ZNF524: variants seen among roughly 807,000 people sequenced by gnomAD.
The protein encoded by ZNF524 is zinc finger protein 524.
For missense variants in ZNF524, 388 were observed against 380.1 expected (o/e 1.02, Z -0.17); for synonymous variants, 194 against 166.3 (o/e 1.17, Z -1.28).
upstream of ZNF524, chr19:55,599,938 C>G (rs1369311462): frequency 6.6e-6 from 1 of 152,248 alleles, no homozygotes; most frequent in Admixed American, 6.5e-5. Flanking sequence ...CCATCTTATC[C>G]ACTTAGCACT....
At chr19:55,601,178 CT>C (rs1327465254) in intron 1 of ZNF524, 1 of 152,250 alleles carries the variant, frequency 6.6e-6, no homozygotes, top group Non-Finnish European at 1.5e-5. Context: ...TCTCCATTCT[CT>C]GGGACATTCG....
rs1228319769 is a variant in ZNF524 at position 55,602,473 on chromosome 19, C to T, written c.361C>T (p.Arg121Trp). The change falls in exon 2 of 2, where the codon CGG (arginine) becomes TGG (tryptophan). Residue 121 changes from arginine (R) to tryptophan (W), a missense_variant. Transcript: ENST00000301073. ...KAPHFCPVCL[R>W]AFPYLSDLER... The stretch of plus-strand genomic sequence containing the variant: ...CCCACACTTCTGCCCGGTGTGCCTG[C>T]GGGCCTTCCCCTACCTCTCCGACCT... 2 of 1,597,862 alleles carry T rather than the reference C, an allele frequency of 1.3e-6. No individual in the cohort carries two copies. Among genetic ancestry groups the T allele is most frequent in the South Asian group, 1.1e-5 (1 of 89,980 alleles).
Position 55,602,188 on chromosome 19 carries a change from C to T in ZNF524, c.76C>T (p.Pro26Ser), listed in dbSNP as rs750130355. ...EEEKPLALSP[P>S]VPRGRRGRRP... ...AGAGAAACCTCTGGCCTTATCTCCT[C>T]CTGTTCCCCGGGGCCGCCGAGGCCG... The change falls in exon 2 of 2, where the codon CCT becomes TCT. Residue 26 changes from proline (P) to serine (S), a missense_variant. Pro to Ser is a moderately conservative substitution (Grantham distance 74). Coordinates refer to ENST00000301073, the MANE Select transcript of ZNF524 (RefSeq NM_153219.4). The T allele has an allele frequency of 1.9e-6, 3 of 1,610,538 alleles. No homozygotes were observed. The highest frequency in any genetic ancestry group is 1.7e-4 in the Middle Eastern group (1 of 6,008).
Position 55,602,892 on chromosome 19 carries a change from A to G in ZNF524, c.780A>G (p.Lys260=). The change falls in exon 2 of 2, where the codon AAA becomes AAG. Residue 260 remains lysine, a synonymous_variant. Transcript: ENST00000301073. ...GAEEEEETEG[K]GEPA ...AGGAGGAGGAGGAGACAGAGGGGAAAGGGGAGCCGGCCTGACCCACACCCC... is the reference window on the plus strand; with the variant it reads ...AGGAGGAGGAGGAGACAGAGGGGAAGGGGGAGCCGGCCTGACCCACACCCC... 1.3e-6 allele frequency: 2 copies of G among 1,578,116 alleles called. No individual in the cohort carries two copies. The highest frequency in any genetic ancestry group is 8.6e-7 in the Non-Finnish European group (1 of 1,162,278).
At position 55,602,194 on chromosome 19, in the gene ZNF524, C is replaced by A. The variant is rs1264116513; in HGVS notation, c.82C>A (p.Pro28Thr). Residue 28 changes from proline to threonine, a missense_variant, in exon 2 of 2, where the codon CCC becomes ACC. Physicochemically the swap from Pro to Thr is conservative, Grantham distance 38. Transcript: ENST00000301073. ...ACCTCTGGCCTTATCTCCTCCTGTT[C>A]CCCGGGGCCGCCGAGGCCGTCGTCC... ...EKPLALSPPV[P>T]RGRRGRRPGG... 1.9e-6 allele frequency: 3 copies of A among 1,611,500 alleles called. No homozygotes were observed. Among genetic ancestry groups the A allele is most frequent in the Non-Finnish European group, 2.5e-6 (3 of 1,178,906 alleles).
chr19:55,602,281 C>A lies in ZNF524; in HGVS notation c.169C>A (p.Pro57Thr). The change falls in exon 2 of 2, where the codon CCC (proline) becomes ACC (threonine). Residue 57 changes from proline to threonine, a missense_variant. Transcript: ENST00000301073. ...CTCCCTCCCTCGCAAGCGGGGCCGC[C>A]CCCCCAAGTCAGGGCAGGAGCCCCC... ...KASLPRKRGR[P>T]PKSGQEPPLV... 6.3e-7 allele frequency: 1 copy of A among 1,590,574 alleles called. No homozygotes were observed. Among genetic ancestry groups the A allele is most frequent in the Non-Finnish European group, 8.6e-7 (1 of 1,168,718 alleles).
rs1293388089 is a variant in ZNF524 at position 55,600,384 on chromosome 19, C to T, written c.-63C>T. 1 of 149,150 alleles carries T rather than the reference C, an allele frequency of 6.7e-6. No homozygotes were observed. The highest frequency in any genetic ancestry group is 1.5e-5 in the Non-Finnish European group (1 of 66,972). 9.2% of individuals were successfully genotyped at this position (149,150 alleles called of 1,614,324 possible). On this transcript the variant is annotated 5_prime_UTR_variant, in exon 1 of 2. Transcript: ENST00000301073. ...TTGCCCCCGCGCGCGCGCACACTCG[C>T]GAGCCCCGGCGACATGCAAATGAGG...
chr19:55,602,166 G>A lies in ZNF524; in HGVS notation c.54G>A (p.Glu18=). 1 of 1,588,186 alleles carries A rather than the reference G, an allele frequency of 6.3e-7. No individual in the cohort carries two copies. Among genetic ancestry groups the A allele is most frequent in the Admixed American group, 1.8e-5 (1 of 55,978 alleles). The change falls in exon 2 of 2, where the codon GAG becomes GAA. Residue 18 remains glutamate, a synonymous_variant. Transcript: ENST00000301073. Reference sequence around the variant, plus strand: ...CTTCGCCTTTGCCCGGGGAGGAAGAGAAACCTCTGGCCTTATCTCCTCCTG... The same window carrying A: ...CTTCGCCTTTGCCCGGGGAGGAAGAAAAACCTCTGGCCTTATCTCCTCCTG... ...PLPSPLPGEE[E]KPLALSPPVP... is the part of the protein sequence containing the mutation.
At position 55,602,945 on chromosome 19, in the gene ZNF524, G is replaced by T; in HGVS notation, c.*38G>T. 1 of 1,500,146 alleles carries T rather than the reference G, an allele frequency of 6.7e-7. No individual in the cohort carries two copies. Among genetic ancestry groups the T allele is most frequent in the South Asian group, 1.3e-5 (1 of 76,460 alleles). The allele number at this position is 1,500,146 out of a possible 1,614,324, so 92.9% of individuals were successfully genotyped here. ...GCCATCGCTCCCTGGGCCAGGTTTA[G>T]AGCAGGGAGTTTGGCTGGTGCTGGG... On this transcript the variant is annotated 3_prime_UTR_variant, in exon 2 of 2. Coordinates refer to ENST00000301073, the MANE Select transcript of ZNF524 (RefSeq NM_153219.4).
At position 55,601,373 on chromosome 19, in the gene ZNF524, T is replaced by C. The variant is rs559876510; in HGVS notation, c.-38-702T>C. ...CAATGGCTAATGTGTCCTGAAAGCT[T>C]CTGTGTATGAACACTTTGTGGGTAT... On this transcript the variant is annotated intron_variant, in intron 1 of 1. Coordinates refer to ENST00000301073, the MANE Select transcript of ZNF524 (RefSeq NM_153219.4). 2.0e-5 allele frequency: 3 copies of C among 152,394 alleles called. No individual in the cohort carries two copies. In the South Asian group the frequency reaches 6.2e-4, roughly 32 times the overall value. 9.4% of individuals were successfully genotyped at this position (152,394 alleles called of 1,614,324 possible).
Position 55,602,885 on chromosome 19 carries a change from A to G in ZNF524, c.773A>G (p.Glu258Gly), listed in dbSNP as rs751256212. ...GGGGCCGAGGAGGAGGAGGAGACAGAGGGGAAAGGGGAGCCGGCCTGACCC... is the reference window on the plus strand; with the variant it reads ...GGGGCCGAGGAGGAGGAGGAGACAGGGGGGAAAGGGGAGCCGGCCTGACCC... ...TAGAEEEEET[E>G]GKGEPA Residue 258 changes from glutamate to glycine, a missense_variant, in exon 2 of 2, where the codon GAG (glutamate) becomes GGG (glycine). By Grantham distance (98) the Glu-to-Gly change is moderately conservative. Coordinates refer to ENST00000301073, the MANE Select transcript of ZNF524 (RefSeq NM_153219.4). 7.6e-6 allele frequency: 12 copies of G among 1,583,116 alleles called. No individual in the cohort carries two copies. Among genetic ancestry groups the G allele is most frequent in the African/African-American group, 5.4e-5 (4 of 74,626 alleles).
Position 55,602,727 on chromosome 19 carries a change from G to C in ZNF524, c.615G>C (p.Leu205=). 2 of 1,606,106 alleles carry C rather than the reference G, an allele frequency of 1.2e-6. No homozygotes were observed. Among genetic ancestry groups the C allele is most frequent in the East Asian group, 4.5e-5 (2 of 44,862 alleles). The change falls in exon 2 of 2, where the codon CTG becomes CTC. Residue 205 remains leucine, a synonymous_variant. Coordinates refer to ENST00000301073, the MANE Select transcript of ZNF524 (RefSeq NM_153219.4). The stretch of plus-strand genomic sequence containing the variant: ...CGTACCAGTGCCCCATCTGCCGGCT[G>C]CGCTTTACAGAGGCCAACACGCTCC... The part of the protein sequence containing the change: ...ERPYQCPICR[L]RFTEANTLRR...
At chr19:55,600,133 C>A (rs1980574850), upstream of ZNF524, 1 of 152,148 alleles carries the variant, frequency 6.6e-6, no homozygotes, top group Non-Finnish European at 1.5e-5. Flanking sequence ...ACACCAGGGC[C>A]GCCGGTGCGC....
chr19:55,603,010 C>A lies in ZNF524; in HGVS notation c.*103C>A. 1.5e-6 allele frequency: 2 copies of A among 1,374,948 alleles called. No homozygotes were observed. The highest frequency in any genetic ancestry group is 1.9e-6 in the Non-Finnish European group (2 of 1,030,684). 85.2% of individuals were successfully genotyped at this position (1,374,948 alleles called of 1,614,324 possible). On this transcript the variant is annotated 3_prime_UTR_variant, in exon 2 of 2. Coordinates refer to ENST00000301073, the MANE Select transcript of ZNF524 (RefSeq NM_153219.4). ...CCGGGACACCCTTGTTTCCGGTGGT[C>A]TTCCCGTTGTGGGAGCAGGTGGAGG...
At chr19:55,600,093 T>C (rs1380079215), upstream of ZNF524, 5 of 152,364 alleles carry the variant, frequency 3.3e-5, no homozygotes, top group African/African-American at 9.6e-5. Flanking sequence ...TGGTTGGGGA[T>C]GTGGTGCTGG....
At chr19:55,601,740 C>T (rs1366354510) in intron 1 of ZNF524, 3 of 165,696 alleles carry the variant, frequency 1.8e-5, no homozygotes, top group Non-Finnish European at 3.8e-5. Flanking sequence ...CAATACTGGT[C>T]TGCACTCTCA....
rs1980594361 is a variant in ZNF524, at chr19:55,600,339, CT to C, written c.-106del. The C allele has an allele frequency of 6.7e-6, 1 of 150,016 alleles. No individual in the cohort carries two copies. The highest frequency in any genetic ancestry group is 2.4e-5 in the African/African-American group (1 of 41,050). 9.3% of individuals were successfully genotyped at this position (150,016 alleles called of 1,614,324 possible). On this transcript the variant is annotated 5_prime_UTR_variant, in exon 1 of 2. Transcript: ENST00000301073. ...GGGCAGGGCCCCCTCACCCCCTCCC[CT>C]TCCCACGCGCCGGCCCCGTTGCCCC... is the stretch of plus-strand genomic sequence containing the variant.
chr19:55,599,881 G>T (rs908886123), upstream of ZNF524: 1 of 152,100 alleles, frequency 6.6e-6, no homozygotes, highest in Non-Finnish European at 1.5e-5. Flanking sequence ...GAAAAAAAAA[G>T]AAAGCGAAGT....
chr19:55,600,034 C>T (rs1016107255), upstream of ZNF524: 2 of 152,324 alleles, frequency 1.3e-5, no homozygotes, highest in Admixed American at 6.5e-5. Context: ...CGGTATCTGT[C>T]TTTGGGTCAC....
Sources: gnomAD v4.1 joint callset for allele counts on GRCh38, gnomAD v4.1.1 for gene constraint, MANE v1.5 for transcripts, NCBI Gene and HGNC (gene_info 2026-07-23, HGNC 2026-07-21) for gene names.